The following GRID2IP variants were observed in gnomAD, a reference collection of about 807,000 sequenced individuals.
The protein encoded by GRID2IP is delphilin.
Under a neutral mutation model 114.3 loss-of-function variants are expected in GRID2IP, and 78 were observed. The ratio of observed to expected loss-of-function variants is 0.68; its 90% CI spans 0.57 to 0.82. The LOEUF is 0.82. Among genes scored for constraint, GRID2IP ranks in the 40% least tolerant of loss-of-function variants. GRID2IP has a pLI of 0.00. For synonymous variants in GRID2IP, 809 were observed against 724.0 expected, an observed-to-expected ratio of 1.12 and a Z score of -1.89; for missense variants, 1,727 against 1,678.5, an observed-to-expected ratio of 1.03 and a Z score of -0.51.
chr7:6,511,744 G>T (rs370361356), intron 8 of GRID2IP, among the ~76,000 whole-genome samples: 1 of 152,074 alleles, frequency 6.6e-6, no homozygotes, highest in Non-Finnish European at 1.5e-5. Flanking sequence ...TGAGCTTCTC[G>T]CTAAAACCCT....
Position 6,508,927 on chromosome 7 carries a change from C to T in GRID2IP, c.2127+31G>A, listed in dbSNP as rs1280230451. ...GCAGACCGCCACACCTCGCCTCACC[C>T]GCCTCCCTCCACACCTGCTTGCGTG... On this transcript the variant is annotated intron_variant, in intron 12 of 21. Transcript: ENST00000457091. The surrounding 1 kb of genome is among the most constrained non-coding windows in gnomAD (Gnocchi z 5.6). 8 of 1,532,370 alleles carry T rather than the reference C, an allele frequency of 5.2e-6. No homozygotes were observed. The highest frequency in any genetic ancestry group is 4.9e-5 in the East Asian group (2 of 40,836). 94.9% of individuals were successfully genotyped at this position (1,532,370 alleles called of 1,614,324 possible). A position where few individuals can be genotyped will look rare whatever the true frequency, so the allele number is the denominator to read the frequency against.
At chr7:6,527,085 C>T (rs934171764) in intron 2 of GRID2IP, among the ~76,000 whole-genome samples, 8 of 152,114 alleles carry the variant, frequency 5.3e-5, no homozygotes, top group African/African-American at 1.9e-4. Context: ...CCCGTTCCTC[C>T]TCCTGCCTCT....
At position 6,500,254 on chromosome 7, in the gene GRID2IP, G is replaced by C. The variant is rs189074929; in HGVS notation, c.3399+1527C>G. On this transcript the variant is annotated intron_variant, in intron 20 of 21. Coordinates refer to ENST00000457091, the MANE Select transcript of GRID2IP (RefSeq NM_001145118.2). ...CGAGGCAGGTGGATCATGAGGTCAG[G>C]AGTTTGAGACCAGCCTGACTAACAT... Among the ~76,000 whole-genome samples the C allele has an allele frequency of 1.0e-3, 154 of 151,800 alleles. 2 individuals carry two copies. Among genetic ancestry groups the C allele is most frequent in the African/African-American group, 3.5e-3 (145 of 41,436 alleles).
chr7:6,549,985 TTTTTA>T (rs1346571981), intron 1 of GRID2IP, among the ~76,000 whole-genome samples: 1 of 151,956 alleles, frequency 6.6e-6, no homozygotes, highest in Admixed American at 6.6e-5. Context: ...TCTGTGGCTC[TTTTTA>T]TTTTATCTTT....
Position 6,526,767 on chromosome 7 carries a change from AT to A in GRID2IP, c.586del (p.Ile196SerfsTer134). The A allele has an allele frequency of 1.3e-6, 2 of 1,517,620 alleles. No homozygotes were observed. Among genetic ancestry groups the A allele is most frequent in the Middle Eastern group, 3.7e-4 (2 of 5,400 alleles). The allele number at this position is 1,517,620 out of a possible 1,614,324, so 94.0% of individuals were successfully genotyped here. A position where few individuals can be genotyped will look rare whatever the true frequency, so the allele number is the denominator to read the frequency against. ...CGCCCGGTGCTTCTTGGGGATGAAG[AT>A]CCTGCCGGCGAGGACGGCGGAGTCG... ...ACGPLLDNLR[I>X]FIPKKHRARF... On this transcript the variant is annotated frameshift_variant and splice_region_variant, in exon 3 of 22. Coordinates refer to ENST00000457091, the MANE Select transcript of GRID2IP (RefSeq NM_001145118.2). LOFTEE classifies it high-confidence loss of function. The surrounding 1 kb of genome is among the most constrained non-coding windows in gnomAD (Gnocchi z 7.6).
chr7:6,551,324 G>T lies in GRID2IP; in HGVS notation c.113C>A (p.Ala38Glu). 6.5e-7 allele frequency: 1 copy of T among 1,546,656 alleles called. No individual in the cohort carries two copies. The change falls in exon 1 of 22, where the codon GCG becomes GAG. Residue 38 changes from alanine (A) to glutamate (E), a missense_variant. By Grantham distance (107) the Ala-to-Glu change is moderately radical. Transcript: ENST00000457091. ...TCCTGGCCGCAGTCCTCCGGCATGC[G>T]CGCTGCTCCCCTTGGCCACCTCCAG... is the stretch of plus-strand genomic sequence containing the variant. ...FVLEVAKGSS[A>E]HAGGLRPGDQ...
chr7:6,544,306 T>A (rs1236492488), intron 1 of GRID2IP, among the ~76,000 whole-genome samples: 1 of 150,824 alleles, frequency 6.6e-6, no homozygotes, highest in Admixed American at 6.7e-5. Flanking sequence ...TGAGATGGAG[T>A]GTCACTCTTA....
intron 1 of GRID2IP, among the ~76,000 whole-genome samples, chr7:6,541,534 G>A (rs991471673): frequency 1.3e-5 from 2 of 152,164 alleles, no homozygotes; most frequent in African/African-American, 4.8e-5. Context: ...TACTAATCAA[G>A]GCACATCTGC....
At chr7:6,497,899 C>T (rs928041160) in intron 21 of GRID2IP, 54 bp from the exon 22 acceptor site, 33 of 1,478,578 alleles carry the variant, frequency 2.2e-5, no homozygotes, top group South Asian at 3.7e-5. Context: ...GAACCTGTGA[C>T]GCCTTCCCTG....
Position 6,521,526 on chromosome 7 carries a change from G to C in GRID2IP, c.990-3C>G. On this transcript the variant is annotated splice_region_variant and splice_polypyrimidine_tract_variant and intron_variant, in intron 5 of 21. Coordinates refer to ENST00000457091, the MANE Select transcript of GRID2IP (RefSeq NM_001145118.2). The surrounding 1 kb of genome is among the most constrained non-coding windows in gnomAD (Gnocchi z 4.1). The stretch of plus-strand genomic sequence containing the variant: ...CCACCTTGTCGTGGGAGCAGTTCCT[G>C]CCAAGCAGAGATGGCCCAGGAGGGC... The C allele has an allele frequency of 6.5e-7, 1 of 1,540,730 alleles. No individual in the cohort carries two copies. Among genetic ancestry groups the C allele is most frequent in the Non-Finnish European group, 8.8e-7 (1 of 1,141,088 alleles).
In GRID2IP at chr7:6,497,297, C is replaced by T. The variant is rs568497460; in HGVS notation, c.*477G>A. On this transcript the variant is annotated 3_prime_UTR_variant, in exon 22 of 22. Coordinates refer to ENST00000457091, the MANE Select transcript of GRID2IP (RefSeq NM_001145118.2). Reference sequence around the variant, plus strand: ...GCCAGCTTCCAAGGCCCAGGCTGGGCGTGCACATCCCCAGGGCCCCTCTAC... The same window carrying T: ...GCCAGCTTCCAAGGCCCAGGCTGGGTGTGCACATCCCCAGGGCCCCTCTAC... Among the ~76,000 whole-genome samples the T allele has an allele frequency of 5.2e-5, 8 of 152,386 alleles. 1 individual carries two copies. The East Asian group carries it at 1.3e-3, about 26-fold the overall frequency.
rs1779718994 is a variant in GRID2IP at position 6,536,145 on chromosome 7, C to T, written c.584+3573G>A. Among the ~76,000 whole-genome samples the T allele has an allele frequency of 6.6e-6, 1 of 152,188 alleles. No homozygotes were observed. On this transcript the variant is annotated intron_variant, in intron 2 of 21. Coordinates refer to ENST00000457091, the MANE Select transcript of GRID2IP (RefSeq NM_001145118.2). This position sits in a 1 kb window ranked among gnomAD's most constrained non-coding sequence, Gnocchi z 5.3. ...CAGCACACTATGGGGCCATGGGTGA[C>T]TGGCCAGCCCTGGGGAGGGGGTTGT...
At chr7:6,522,807 A>ATGTGTGTGTGTGTG (rs72277817) in intron 4 of GRID2IP, among the ~76,000 whole-genome samples, 11,903 of 147,580 alleles carry the variant, frequency 0.081, 542 homozygotes, top group Non-Finnish European at 0.092. Flanking sequence ...CCTGGCTAAT[A>ATGTGTGTGTGTGTG]TGTGTGTGTG....
chr7:6,546,525 C>T (rs538452422), intron 1 of GRID2IP, among the ~76,000 whole-genome samples: 239 of 149,666 alleles, frequency 1.6e-3, no homozygotes, highest in Non-Finnish European at 2.5e-3. Flanking sequence ...GCCAAGATCA[C>T]GCCATTGCAC....
At position 6,509,527 on chromosome 7, in the gene GRID2IP, G is replaced by A. The variant is rs1441043444; in HGVS notation, c.1772-214C>T. 6.6e-6 allele frequency among the ~76,000 whole-genome samples: 1 copy of A among 152,158 alleles called. No individual in the cohort carries two copies. The highest frequency in any genetic ancestry group is 1.5e-5 in the Non-Finnish European group (1 of 68,008). ...GAGCAGGAGCACTGCTCGGCCTCAG[G>A]ACAGGCTGGACGCCAGCTCACCTTG... On this transcript the variant is annotated intron_variant, in intron 11 of 21. Coordinates refer to ENST00000457091, the MANE Select transcript of GRID2IP (RefSeq NM_001145118.2). The surrounding 1 kb of genome is among the most constrained non-coding windows in gnomAD (Gnocchi z 4.9).
At chr7:6,550,977 C>CAG in intron 1 of GRID2IP, 31 bp downstream of exon 1, 3 of 604,990 alleles carry the variant, frequency 5.0e-6, no homozygotes, top group Non-Finnish European at 6.6e-6. Flanking sequence ...CCCCCTCCTT[C>CAG]CCGCCCCCAC....
At chr7:6,531,066 A>ACCGAAAGTG (rs1386575365) in intron 2 of GRID2IP, 1 of 635,728 alleles carries the variant, frequency 1.6e-6, no homozygotes, top group East Asian at 3.3e-5. Flanking sequence ...TGGGGAAGCT[A>ACCGAAAGTG]CCGAAAGTGC....
rs1189420653 is a variant in GRID2IP at position 6,501,406 on chromosome 7, A to C, written c.3399+375T>G. ...AATAAATAAATAAATAAATAAATTTATAATCCAGGATGGGACCTGGTGTTG... is the reference window on the plus strand; with the variant it reads ...AATAAATAAATAAATAAATAAATTTCTAATCCAGGATGGGACCTGGTGTTG... On this transcript the variant is annotated intron_variant, in intron 20 of 21. Coordinates refer to ENST00000457091, the MANE Select transcript of GRID2IP (RefSeq NM_001145118.2). Among the ~76,000 whole-genome samples, 3 of 152,212 alleles carry C rather than the reference A, an allele frequency of 2.0e-5. No homozygotes were observed. The East Asian group carries it at 5.8e-4, about 29-fold the overall frequency.
chr7:6,511,177 C>T (rs1401574199), intron 8 of GRID2IP, 138 bp from the exon 9 acceptor site: 2 of 1,162,968 alleles, frequency 1.7e-6, no homozygotes, highest in South Asian at 3.4e-5. Flanking sequence ...TGCTTGCCTC[C>T]AGAACAGCTC....
Sources: gnomAD v4.1 joint callset for allele counts (sites outside exome capture counted in the v4.1 genomes callset) on GRCh38, gnomAD v4.1.1 for gene constraint, Gnocchi (gnomAD v3.1) non-coding constraint, MANE v1.5 for transcripts, NCBI Gene and HGNC (gene_info 2026-07-23, HGNC 2026-07-21) for gene names.